NAV3: variants seen among roughly 807,000 people sequenced by gnomAD.
NAV3 encodes the protein pore membrane and/or filament interacting like protein 1.
NAV3 carries 87 observed loss-of-function variants against 244.7 expected under a neutral mutation model. That is an observed-to-expected ratio of 0.36 (90% CI 0.30 to 0.42). The LOEUF is 0.42. Among genes scored for constraint, NAV3 ranks in the 20% least tolerant of loss-of-function variants. The pLI is 1.00. For missense variants in NAV3, 2,663 were observed against 2,893.3 expected (o/e 0.92, Z 1.83); for synonymous variants, 1,126 against 1,042.2 (o/e 1.08, Z -1.55).
chr12:78,124,134 A>G (rs149311262), intron 16 of NAV3, among the ~76,000 whole-genome samples: 8 of 152,350 alleles, frequency 5.3e-5, no homozygotes, highest in Non-Finnish European at 7.3e-5. Flanking sequence ...ATAATCTGCA[A>G]CAAGTTGGCC....
chr12:77,957,766 G>A (rs1268197112), intron 3 of NAV3, among the ~76,000 whole-genome samples: 2 of 152,104 alleles, frequency 1.3e-5, no homozygotes. Flanking sequence ...GCAGGTTCAA[G>A]TGATTCTCGT....
At chr12:77,992,656 T>C (rs1188213530) in intron 5 of NAV3, among the ~76,000 whole-genome samples, 1 of 152,200 alleles carries the variant, frequency 6.6e-6, no homozygotes, top group African/African-American at 2.4e-5. Context: ...TTAGTTTAAA[T>C]CTTAGTAGCA....
At position 78,127,228 on chromosome 12, in the gene NAV3, C is replaced by G. The variant is rs2138811830; in HGVS notation, c.4280+20C>G. ...ACTAAGGTATATATTCCTCTCAGCACAATTGCTACCTCTCTGTTGTTATGT... is the reference window on the plus strand; with the variant it reads ...ACTAAGGTATATATTCCTCTCAGCAGAATTGCTACCTCTCTGTTGTTATGT... On this transcript the variant is annotated intron_variant, in intron 17 of 39. Transcript: ENST00000397909. The G allele has an allele frequency of 6.2e-7, 1 of 1,608,322 alleles. No individual in the cohort carries two copies. Among genetic ancestry groups the G allele is most frequent in the Non-Finnish European group, 8.5e-7 (1 of 1,175,480 alleles).
At chr12:77,790,278 T>A (rs552801674) in intron 2 of NAV3, among the ~76,000 whole-genome samples, 2 of 152,338 alleles carry the variant, frequency 1.3e-5, no homozygotes, top group Non-Finnish European at 2.9e-5. Flanking sequence ...TCACATCTTT[T>A]GACTCACCAG....
At chr12:77,928,218 G>A (rs11107424) in intron 1 of NAV3, among the ~76,000 whole-genome samples, 14,587 of 73,530 alleles carry the variant, frequency 0.2, 1,072 homozygotes, top group Admixed American at 0.27. Flanking sequence ...GCTAGGCTCC[G>A]CCTCAAAAAA....
intron 2 of NAV3, among the ~76,000 whole-genome samples, chr12:77,692,571 TCTC>T (rs1313253186): frequency 6.6e-6 from 1 of 152,008 alleles, no homozygotes; most frequent in Non-Finnish European, 1.5e-5. Flanking sequence ...GAATATAAAA[TCTC>T]CTTGTCTTTA....
intron 2 of NAV3, among the ~76,000 whole-genome samples, chr12:77,654,190 C>A (rs535270618): frequency 1.0e-3 from 154 of 152,302 alleles, no homozygotes; most frequent in African/African-American, 3.6e-3. Context: ...CAGGGAGTTC[C>A]CTTTCCTAGT....
intron 1 of NAV3, among the ~76,000 whole-genome samples, chr12:77,861,219 C>T (rs78462094): frequency 2.6e-5 from 4 of 151,538 alleles, no homozygotes; most frequent in Admixed American, 6.6e-5. Flanking sequence ...AAAAAGGAAC[C>T]GTGTATCTTT....
chr12:77,630,708 T>C (rs1426688629), intron 2 of NAV3, among the ~76,000 whole-genome samples: 1 of 152,186 alleles, frequency 6.6e-6, no homozygotes, highest in African/African-American at 2.4e-5. Flanking sequence ...GGCTTTAGGC[T>C]CCAGTATGTC....
intron 2 of NAV3, among the ~76,000 whole-genome samples, chr12:77,647,022 T>TAC (rs961375754): frequency 6.6e-6 from 1 of 150,862 alleles, no homozygotes; most frequent in South Asian, 2.1e-4. Context: ...TACATGGACA[T>TAC]ACACACACAC....
chr12:77,640,401 T>C (rs1337148142), intron 2 of NAV3, among the ~76,000 whole-genome samples: 1 of 152,144 alleles, frequency 6.6e-6, no homozygotes, highest in Non-Finnish European at 1.5e-5. Flanking sequence ...TAAATTGATA[T>C]CTTTTCACCT....
chr12:77,932,647 A>G (rs1888925121), intron 1 of NAV3, among the ~76,000 whole-genome samples: 1 of 152,176 alleles, frequency 6.6e-6, no homozygotes, highest in South Asian at 2.1e-4. Context: ...TCTTGACTCT[A>G]AACTTGACTC....
chr12:77,662,164 T>C (rs1873480926), intron 2 of NAV3, among the ~76,000 whole-genome samples: 1 of 151,990 alleles, frequency 6.6e-6, no homozygotes, highest in Non-Finnish European at 1.5e-5. Flanking sequence ...TATTGAGTCT[T>C]GAATCGATTA....
rs12319271 is a variant in NAV3 at position 78,029,641 on chromosome 12, T to A, written c.2023+7779T>A. ...CTTCTCACCTAAAAAAAAAATACAG[T>A]GTACAGTAACCTTTTAATCCAAATA... is the stretch of plus-strand genomic sequence containing the variant. On this transcript the variant is annotated intron_variant, in intron 9 of 39. Transcript: ENST00000397909. Among the ~76,000 whole-genome samples the A allele has an allele frequency of 5.8e-3, 881 of 152,182 alleles. 8 individuals carry two copies. Among genetic ancestry groups the A allele is most frequent in the African/African-American group, 0.02 (823 of 41,528 alleles).
chr12:77,984,477 G>GC, intron 5 of NAV3, among the ~76,000 whole-genome samples: 1 of 67,022 alleles, frequency 1.5e-5, no homozygotes, highest in African/African-American at 6.6e-5. Flanking sequence ...TGTCAAGTAT[G>GC]CATTTTTTTT....
intron 2 of NAV3, among the ~76,000 whole-genome samples, chr12:77,614,049 G>C (rs1871043235): frequency 7.6e-6 from 1 of 131,294 alleles, no homozygotes; most frequent in Non-Finnish European, 1.6e-5. Flanking sequence ...ACGCCTCTTT[G>C]ACTTTGCCTT....
intron 1 of NAV3, among the ~76,000 whole-genome samples, chr12:77,850,313 T>C (rs1877318482): frequency 6.6e-6 from 1 of 152,216 alleles, no homozygotes; most frequent in African/African-American, 2.4e-5. Context: ...TGGATGTTAA[T>C]AGAGTTTTCC....
intron 1 of NAV3, among the ~76,000 whole-genome samples, chr12:77,880,282 T>G (rs1259977236): frequency 1.3e-5 from 2 of 152,156 alleles, no homozygotes; most frequent in Non-Finnish European, 2.9e-5. Context: ...GAAGAAAACC[T>G]TTCTTTGGCA....
intron 2 of NAV3, among the ~76,000 whole-genome samples, chr12:77,611,656 A>G (rs696457): frequency 0.32 from 49,190 of 151,774 alleles, 8,204 homozygotes; most frequent in Middle Eastern, 0.41. Flanking sequence ...ATTTATATAT[A>G]TCAGAAATAG....
Sources: allele counts gnomAD v4.1 joint callset (sites outside exome capture counted in the v4.1 genomes callset), GRCh38; gene constraint gnomAD v4.1.1; transcripts MANE v1.5; gene names NCBI Gene and HGNC (gene_info 2026-07-23, HGNC 2026-07-21).